MACROD2: variants seen among roughly 807,000 people sequenced by gnomAD.
The protein encoded by MACROD2 is mono-ADP ribosylhydrolase 2.
A neutral mutation model predicts 70.4 loss-of-function variants in MACROD2; 36 were observed. The observed-to-expected ratio is 0.51, with a 90% confidence interval of 0.39 to 0.68. The LOEUF is 0.68. MACROD2 is among the 30% of genes least tolerant of loss of function. The probability of loss-of-function intolerance (pLI) is 0.00; values close to 1 mark genes in which losing one functional copy is unlikely to be tolerated. For synonymous variants in MACROD2, 172 were observed against 178.8 expected (o/e 0.96, Z 0.30); for missense variants, 496 against 538.4 (o/e 0.92, Z 0.78).
chr20:15,446,616 C>T (rs1044075215), intron 7 of MACROD2, among the ~76,000 whole-genome samples: 37 of 152,298 alleles, frequency 2.4e-4, no homozygotes, highest in African/African-American at 7.7e-4. Context: ...AACTTGCGAA[C>T]GCCAGCCCTT....
At chr20:15,677,546 C>A (rs1477014516) in intron 8 of MACROD2, among the ~76,000 whole-genome samples, 1 of 152,114 alleles carries the variant, frequency 6.6e-6, no homozygotes, top group Non-Finnish European at 1.5e-5. Context: ...CTGCTACTAC[C>A]AGGAATAGCT....
At chr20:16,026,531 T>A (rs1379237885) in intron 15 of MACROD2, among the ~76,000 whole-genome samples, 2 of 152,168 alleles carry the variant, frequency 1.3e-5, no homozygotes, top group East Asian at 3.9e-4. Flanking sequence ...TCCAGCCCCA[T>A]TTCACCTGCC....
chr20:14,518,559 A>G (rs1365489731), intron 4 of MACROD2, among the ~76,000 whole-genome samples: 1 of 152,180 alleles, frequency 6.6e-6, no homozygotes, highest in Non-Finnish European at 1.5e-5. Context: ...TGTTAAGTAG[A>G]GTTTTATTAC....
chr20:15,203,635 G>A (rs1024872213), intron 5 of MACROD2, among the ~76,000 whole-genome samples: 2 of 151,972 alleles, frequency 1.3e-5, no homozygotes, highest in Non-Finnish European at 2.9e-5. Context: ...ACTGCCAAAA[G>A]CTATTATTTA....
chr20:14,341,891 C>T (rs147119705), intron 3 of MACROD2, among the ~76,000 whole-genome samples: 160 of 152,338 alleles, frequency 1.1e-3, no homozygotes, highest in African/African-American at 3.6e-3. Context: ...TCCTGCCTTT[C>T]TCATTGTTGG....
chr20:14,548,488 G>A lies in MACROD2; in HGVS notation c.301+54980G>A, dbSNP rs1159730866. 2.0e-4 allele frequency among the ~76,000 whole-genome samples: 3 copies of A among 14,942 alleles called. 1 individual carries two copies. The highest frequency in any genetic ancestry group is 5.6e-4 in the Non-Finnish European group (3 of 5,318). 9.8% of individuals were successfully genotyped at this position (14,942 alleles called of 152,430 possible). A position where few individuals can be genotyped will look rare whatever the true frequency, so the allele number is the denominator to read the frequency against. ...AATCCCAGCACTTTGGGAGGCTGAG[G>A]CGGGCGGATCACGAGGTCAGGAGAT... On this transcript the variant is annotated intron_variant, in intron 4 of 17. Coordinates refer to ENST00000684519, the MANE Select transcript of MACROD2 (RefSeq NM_001351661.2).
intron 12 of MACROD2, among the ~76,000 whole-genome samples, chr20:15,939,458 ATG>A (rs2065718050): frequency 6.6e-6 from 1 of 152,138 alleles, no homozygotes; most frequent in Non-Finnish European, 1.5e-5. Flanking sequence ...GTATTATAGC[ATG>A]TCTCTTTATA....
chr20:14,629,841 T>C (rs1465810099), intron 4 of MACROD2, among the ~76,000 whole-genome samples: 1 of 152,226 alleles, frequency 6.6e-6, no homozygotes, highest in Admixed American at 6.5e-5. Context: ...TCTTAATTTT[T>C]CTAATTTTCA....
intron 2 of MACROD2, among the ~76,000 whole-genome samples, chr20:14,080,878 GCTGAAGCTGTACCA>G (rs1247267599): frequency 3.3e-5 from 5 of 152,158 alleles, no homozygotes; most frequent in African/African-American, 1.2e-4. Context: ...AGCCCAGGAA[GCTGAAGCTGTACCA>G]CTTGGTATAA....
rs943639444 is a variant in MACROD2 at position 15,293,080 on chromosome 20, A to G, written c.540+63019A>G. Among the ~76,000 whole-genome samples the G allele has an allele frequency of 1.7e-4, 26 of 152,202 alleles. 1 individual carries two copies. On this transcript the variant is annotated intron_variant, in intron 6 of 17. Transcript: ENST00000684519. The stretch of plus-strand genomic sequence containing the variant: ...GTTCCTGTGTTTGAGAAGTACTGCT[A>G]TGAGATTCTTTCTAACACCAATCCA...
At position 15,338,703 on chromosome 20, in the gene MACROD2, C is replaced by T. The variant is rs1376290551; in HGVS notation, c.541-92702C>T. Among the ~76,000 whole-genome samples the T allele has an allele frequency of 3.3e-5, 5 of 151,558 alleles. 1 individual carries two copies. Among genetic ancestry groups the T allele is most frequent in the African/African-American group, 1.2e-4 (5 of 40,968 alleles). On this transcript the variant is annotated intron_variant, in intron 6 of 17. Transcript: ENST00000684519. The stretch of plus-strand genomic sequence containing the variant: ...AGGCCTAGGGGGGTAAGTTACTTGC[C>T]TAACGTCTTTTAGTACAAGATGGGG...
At chr20:15,917,434 C>A (rs1352713519) in intron 10 of MACROD2, among the ~76,000 whole-genome samples, 1 of 152,162 alleles carries the variant, frequency 6.6e-6, no homozygotes, top group Non-Finnish European at 1.5e-5. Flanking sequence ...CCTTCTCCAA[C>A]AAGCAGAGTG....
chr20:14,328,436 T>A (rs1302303529), intron 3 of MACROD2, among the ~76,000 whole-genome samples: 2 of 152,166 alleles, frequency 1.3e-5, no homozygotes, highest in Non-Finnish European at 2.9e-5. Flanking sequence ...AATTCTAACC[T>A]AGAACATAAA....
chr20:15,057,441 T>A (rs2075495541), intron 5 of MACROD2, among the ~76,000 whole-genome samples: 2 of 152,176 alleles, frequency 1.3e-5, no homozygotes, highest in African/African-American at 4.8e-5. Flanking sequence ...ATTATTCTGG[T>A]TTATGTGGCT....
intron 3 of MACROD2, among the ~76,000 whole-genome samples, chr20:14,269,373 T>C (rs2082171366): frequency 6.6e-6 from 1 of 152,188 alleles, no homozygotes; most frequent in South Asian, 2.1e-4. Context: ...TTGAAATGTT[T>C]TGATTTGCTG....
At chr20:14,413,234 T>G (rs2083769184) in intron 3 of MACROD2, among the ~76,000 whole-genome samples, 1 of 150,114 alleles carries the variant, frequency 6.7e-6, no homozygotes, top group African/African-American at 2.4e-5. Flanking sequence ...CGTGCGTGTG[T>G]ACCTATTATG....
rs115845938 is a variant in MACROD2, at chr20:15,551,713, A to G, written c.645+51866A>G. Among the ~76,000 whole-genome samples the G allele has an allele frequency of 2.8e-3, 428 of 152,072 alleles. 3 individuals are homozygous for G. Among genetic ancestry groups the G allele is most frequent in the African/African-American group, 9.9e-3 (411 of 41,476 alleles). On this transcript the variant is annotated intron_variant, in intron 8 of 17. Transcript: ENST00000684519. Reference sequence around the variant, plus strand: ...GCGGAACCCCGTCTCTACAAAAAATAAAAACTTAGCCGGATGTGATGGTGT... The same window carrying G: ...GCGGAACCCCGTCTCTACAAAAAATGAAAACTTAGCCGGATGTGATGGTGT...
chr20:15,409,861 C>T (rs1191753919), intron 6 of MACROD2, among the ~76,000 whole-genome samples: 1 of 152,100 alleles, frequency 6.6e-6, no homozygotes, highest in Admixed American at 6.6e-5. Context: ...GAACAGTGAG[C>T]TTTGAGGGGC....
intron 5 of MACROD2, among the ~76,000 whole-genome samples, chr20:15,215,459 T>C (rs1246938337): frequency 6.6e-6 from 1 of 152,132 alleles, no homozygotes; most frequent in Non-Finnish European, 1.5e-5. Context: ...CATAATTTGG[T>C]GAGCAATTAC....
Sources: allele counts gnomAD v4.1 joint callset (sites outside exome capture counted in the v4.1 genomes callset), GRCh38; gene constraint gnomAD v4.1.1; transcripts MANE v1.5; gene names NCBI Gene and HGNC (gene_info 2026-07-23, HGNC 2026-07-21).